Variants in TBX1 observed in about 807,000 individuals in gnomAD.
TBX1 encodes the protein T-box transcription factor TBX1.
In TBX1, 16 loss-of-function variants were observed where a neutral mutation model predicts 40.8. The ratio of observed to expected loss-of-function variants is 0.39; its 90% CI spans 0.27 to 0.60. The LOEUF (loss-of-function observed/expected upper bound fraction) is 0.60. Ranked by LOEUF, TBX1 falls within the 20% of genes least tolerant of loss-of-function variation. The pLI, the probability that TBX1 is intolerant of heterozygous loss-of-function variation, is 0.51. For missense variants in TBX1, 755 were observed against 728.5 expected, an observed-to-expected ratio of 1.04 and a Z score of -0.42; for synonymous variants, 403 against 336.8, an observed-to-expected ratio of 1.20 and a Z score of -2.15.
intron 2 of TBX1, 152 bp from the exon 3 acceptor site, chr22:19,764,003 C>T: frequency 1.2e-6 from 1 of 810,212 alleles, no homozygotes; most frequent in Non-Finnish European, 1.9e-6. Context: ...CATAGTCCCC[C>T]TTGGAAAAGC....
chr22:19,770,943 C>T (rs1045764490), downstream of TBX1, among the ~76,000 whole-genome samples: 1 of 152,174 alleles, frequency 6.6e-6, no homozygotes, highest in African/African-American at 2.4e-5. Flanking sequence ...TCCAGAGACT[C>T]TGTGTTCCAG....
chr22:19,767,182 C>T lies in TBX1; in HGVS notation c.*315C>T. ...GAAGGAAGTGATATTTATTGTTCTC[C>T]CCGAGACCGCGTCGCCCGCGGCCCG... On this transcript the variant is annotated 3_prime_UTR_variant, in exon 7 of 7. Coordinates refer to ENST00000649276, the MANE Select transcript of TBX1 (RefSeq NM_001379200.1). The T allele has an allele frequency of 4.4e-6, 5 of 1,143,152 alleles. No individual in the cohort carries two copies. The highest frequency in any genetic ancestry group is 3.1e-5 in the South Asian group (1 of 31,948). The allele number at this position is 1,143,152 out of a possible 1,614,324, so 70.8% of individuals were successfully genotyped here.
chr22:19,775,766 G>C (rs746087747), intron 8 of TBX1, among the ~76,000 whole-genome samples: 4 of 152,206 alleles, frequency 2.6e-5, no homozygotes, highest in Non-Finnish European at 5.9e-5. Context: ...AGTCCCACCT[G>C]GCATGAAGCG....
rs747494772 is a variant in TBX1, at chr22:19,763,717, G to C, written c.539+375G>C. ...AGGGAACTCTGGATCCTGGAGCTGGGCCGGAAAGGTGGGGTGGCCAGGAGA... is the reference window on the plus strand; with the variant it reads ...AGGGAACTCTGGATCCTGGAGCTGGCCCGGAAAGGTGGGGTGGCCAGGAGA... On this transcript the variant is annotated intron_variant, in intron 2 of 6. Transcript: ENST00000649276. 51 of 400,192 alleles carry C rather than the reference G, an allele frequency of 1.3e-4. 1 individual carries two copies. Among genetic ancestry groups the C allele is most frequent in the Middle Eastern group, 7.4e-4 (1 of 1,352 alleles). The allele number at this position is 400,192 out of a possible 1,614,324, so 24.8% of individuals were successfully genotyped here. A position where few individuals can be genotyped will look rare whatever the true frequency, so the allele number is the denominator to read the frequency against.
At chr22:19,762,414 C>T (rs1191030805) in intron 1 of TBX1, among the ~76,000 whole-genome samples, 3 of 152,200 alleles carry the variant, frequency 2.0e-5, no homozygotes, top group African/African-American at 4.8e-5. Context: ...AGGGCCAATC[C>T]TTGTGTTGTC....
chr22:19,756,989 C>T (rs1420076438), upstream of TBX1, among the ~76,000 whole-genome samples: 2 of 152,070 alleles, frequency 1.3e-5, no homozygotes, highest in Non-Finnish European at 2.9e-5. Context: ...TATCCTGCTG[C>T]GCGATGGAGG....
In TBX1 at chr22:19,765,840, C is replaced by A; in HGVS notation, c.935+15C>A. The A allele has an allele frequency of 1.9e-6, 3 of 1,596,096 alleles. No homozygotes were observed. Among genetic ancestry groups the A allele is most frequent in the Non-Finnish European group, 1.7e-6 (2 of 1,172,052 alleles). The stretch of plus-strand genomic sequence containing the variant: ...CCTGAGGACTGGTGAGTGTCCTCCC[C>A]CGAGAGAGTGAGCGCCGGGCGCCTG... On this transcript the variant is annotated intron_variant, in intron 5 of 6. Coordinates refer to ENST00000649276, the MANE Select transcript of TBX1 (RefSeq NM_001379200.1).
chr22:19,767,493 T>C (rs13054332), downstream of TBX1, among the ~76,000 whole-genome samples: 152,258 of 152,260 alleles, frequency 1, 76,128 homozygotes, highest in Middle Eastern at 1. Context: ...CCGCCACGCC[T>C]CCTGCCCTCT....
Position 19,763,234 on chromosome 22 carries a change from C to A in TBX1, c.438-7C>A, listed in dbSNP as rs199903273. 54 of 1,613,276 alleles carry A rather than the reference C, an allele frequency of 3.3e-5. No homozygotes were observed. The highest frequency in any genetic ancestry group is 4.5e-5 in the Non-Finnish European group (53 of 1,179,344). ...GCTAGGGTGACCCAAGGCCTCATCA[C>A]CCCCAGGCGGATGTTTCCCACCTTC... On this transcript the variant is annotated splice_region_variant and splice_polypyrimidine_tract_variant and intron_variant, in intron 1 of 6. Transcript: ENST00000649276.
At chr22:19,781,104 G>A (rs1010084693), downstream of TBX1, among the ~76,000 whole-genome samples, 5 of 152,072 alleles carry the variant, frequency 3.3e-5, no homozygotes, top group Non-Finnish European at 5.9e-5. Flanking sequence ...TATTTTTGGT[G>A]TACCCATCCT....
At chr22:19,760,241 A>G (rs747728281), upstream of TBX1, among the ~76,000 whole-genome samples, 1 of 151,548 alleles carries the variant, frequency 6.6e-6, no homozygotes, top group Non-Finnish European at 1.5e-5. Context: ...GAAAAACATA[A>G]AAAACAAAGG....
At chr22:19,762,892 C>T (rs1437640908) in intron 1 of TBX1, among the ~76,000 whole-genome samples, 1 of 152,218 alleles carries the variant, frequency 6.6e-6, no homozygotes, top group African/African-American at 2.4e-5. Context: ...ACGTTAGGCA[C>T]CCTGCTGCCG....
intron 6 of TBX1, 110 bp downstream of exon 6, chr22:19,766,112 C>A: frequency 9.9e-7 from 1 of 1,006,130 alleles, no homozygotes; most frequent in South Asian, 4.4e-5. Context: ...GGCTTTCGCG[C>A]CGGTTGCACA....
chr22:19,775,566 A>G (rs1282839089), intron 8 of TBX1, among the ~76,000 whole-genome samples: 2 of 152,138 alleles, frequency 1.3e-5, no homozygotes, highest in East Asian at 1.9e-4. Flanking sequence ...AGTGCCTGGG[A>G]CACTGGGTGG....
chr22:19,760,378 A>G (rs1470098119), upstream of TBX1, among the ~76,000 whole-genome samples: 1 of 150,660 alleles, frequency 6.6e-6, no homozygotes, highest in African/African-American at 2.4e-5. Context: ...AAATAAAGAG[A>G]AACTACAGAG....
At position 19,767,173 on chromosome 22, in the gene TBX1, A is replaced by G. The variant is rs931595794; in HGVS notation, c.*306A>G. ...TCGGAGGCGGAAGGAAGTGATATTT[A>G]TTGTTCTCCCCGAGACCGCGTCGCC... On this transcript the variant is annotated 3_prime_UTR_variant, in exon 7 of 7. Transcript: ENST00000649276. 1.4e-5 allele frequency: 16 copies of G among 1,152,336 alleles called. No homozygotes were observed. In the African/African-American group the frequency reaches 2.6e-4, roughly 19 times the overall value. 71.4% of individuals were successfully genotyped at this position (1,152,336 alleles called of 1,614,324 possible).
At chr22:19,761,488 A>G (rs1242308055) in intron 1 of TBX1, among the ~76,000 whole-genome samples, 1 of 151,378 alleles carries the variant, frequency 6.6e-6, no homozygotes, top group Non-Finnish European at 1.5e-5. Context: ...CCTAACACCT[A>G]TCCTCCGCCG....
At chr22:19,777,463 T>C (rs1937083517) in intron 8 of TBX1, among the ~76,000 whole-genome samples, 1 of 152,234 alleles carries the variant, frequency 6.6e-6, no homozygotes, top group South Asian at 2.1e-4. Context: ...TCTATCGTTG[T>C]TGGACATTTG....
downstream of TBX1, among the ~76,000 whole-genome samples, chr22:19,781,550 G>C (rs1937142859): frequency 6.6e-6 from 1 of 151,064 alleles, no homozygotes; most frequent in Non-Finnish European, 1.5e-5. Flanking sequence ...AAATTTTCAT[G>C]AAGTCCAGTT....
Sources: gnomAD v4.1 joint callset for allele counts (sites outside exome capture counted in the v4.1 genomes callset) on GRCh38, gnomAD v4.1.1 for gene constraint, MANE v1.5 for transcripts, NCBI Gene and HGNC (gene_info 2026-07-23, HGNC 2026-07-21) for gene names.